Variants in DMD observed in about 807,000 individuals in gnomAD.
DMD encodes the protein dystrophin.
Under a neutral mutation model 330.1 loss-of-function variants are expected in DMD, and 63 were observed. That is an observed-to-expected ratio of 0.19 (90% CI 0.16 to 0.24). The LOEUF is 0.24. Ranked by LOEUF, DMD falls within the 10% of genes least tolerant of loss-of-function variation. The pLI is 1.00. For synonymous variants in DMD, 1,223 were observed against 959.8 expected, an observed-to-expected ratio of 1.27 and a Z score of -5.07; for missense variants, 3,344 against 2,684.1, an observed-to-expected ratio of 1.25 and a Z score of -5.43.
At position 31,869,734 on chromosome X, in the gene DMD, T is replaced by A. The variant is rs183244414; in HGVS notation, c.7098+5454A>T. ...GGACTCACCACCACAGCAAATTATG[T>A]ATAGACAACTTTCATGCCTGGAGCT... is the stretch of plus-strand genomic sequence containing the variant. On this transcript the variant is annotated intron_variant, in intron 48 of 78. Coordinates refer to ENST00000357033, the MANE Select transcript of DMD (RefSeq NM_004006.3). 4.5e-4 allele frequency among the ~76,000 whole-genome samples: 50 copies of A among 110,320 alleles called. 2 individuals are homozygous for A. The highest frequency in any genetic ancestry group is 4.4e-3 in the Admixed American group (45 of 10,224).
At chrX:33,216,783 C>T (rs1351896171) in intron 1 of DMD, among the ~76,000 whole-genome samples, 1 of 110,638 alleles carries the variant, frequency 9.0e-6, no homozygotes, top group Non-Finnish European at 1.9e-5. Flanking sequence ...TGAAGACTGG[C>T]CCATGATTAT....
intron 38 of DMD, among the ~76,000 whole-genome samples, chrX:32,348,113 A>T (rs775145301): frequency 2.5e-4 from 28 of 111,300 alleles, no homozygotes; most frequent in Non-Finnish European, 4.3e-4. Flanking sequence ...TTATTTTATG[A>T]TTCGACTCTT....
At chrX:33,000,346 G>A (rs891700312) in intron 2 of DMD, among the ~76,000 whole-genome samples, 1 of 111,875 alleles carries the variant, frequency 8.9e-6, no homozygotes, top group African/African-American at 3.2e-5. Context: ...TCAACTATAT[G>A]TAATTGTTTC....
At chrX:31,787,197 C>T (rs187355216) in intron 50 of DMD, among the ~76,000 whole-genome samples, 17 of 110,405 alleles carry the variant, frequency 1.5e-4, no homozygotes, top group African/African-American at 5.3e-4. Context: ...TATGGTGAAA[C>T]CCTGTCTCTA....
In DMD at chrX:31,247,472, C is replaced by A. The variant is rs766092114; in HGVS notation, c.9286+13483G>T. Among the ~76,000 whole-genome samples the A allele has an allele frequency of 2.7e-5, 3 of 109,637 alleles. No homozygotes were observed. The South Asian group carries it at 1.2e-3, about 45-fold the overall frequency. ...AAAATTAGCCGGGCGTAGTGGCACA[C>A]GCCTGTAGTCCCAGCTACTCGGGAA... On this transcript the variant is annotated intron_variant, in intron 63 of 78. Transcript: ENST00000357033.
chrX:32,541,426 A>G (rs967084519), intron 17 of DMD, among the ~76,000 whole-genome samples: 3 of 112,155 alleles, frequency 2.7e-5, no homozygotes, highest in Non-Finnish European at 5.6e-5. Flanking sequence ...ACCACCTTAA[A>G]GGCAATGTAT....
At chrX:32,363,081 A>G (rs1168723747) in intron 36 of DMD, 123 bp from the exon 37 acceptor site, 10 of 687,848 alleles carry the variant, frequency 1.5e-5, no homozygotes, top group Non-Finnish European at 2.2e-5. Context: ...AGAGAGAGAG[A>G]AAGTAAGAAA....
intron 18 of DMD, chrX:32,516,876 A>T (rs1183479536): frequency 2.7e-5 from 3 of 112,051 alleles, no homozygotes; most frequent in South Asian, 3.6e-4. Context: ...AGAATAGTCT[A>T]TTATAATGCT....
intron 9 of DMD, among the ~76,000 whole-genome samples, chrX:32,672,205 T>C (rs1158442442): frequency 9.0e-6 from 1 of 111,133 alleles, no homozygotes; most frequent in Non-Finnish European, 1.9e-5. Flanking sequence ...AGTAATAGCC[T>C]AACCTATGCT....
chrX:31,382,986 C>G (rs1457339603), intron 60 of DMD, among the ~76,000 whole-genome samples: 1 of 112,158 alleles, frequency 8.9e-6, no homozygotes, highest in Admixed American at 9.5e-5. Context: ...TCCAGATGGC[C>G]TGAAGTAACT....
intron 62 of DMD, among the ~76,000 whole-genome samples, chrX:31,288,122 C>T (rs780692569): frequency 2.3e-4 from 25 of 110,546 alleles, no homozygotes; most frequent in East Asian, 2.3e-3. Context: ...GCAGAAGCAA[C>T]GGTGGAAGCA....
intron 53 of DMD, among the ~76,000 whole-genome samples, chrX:31,678,298 C>G (rs757061714): frequency 6.3e-5 from 7 of 111,457 alleles, no homozygotes; most frequent in Non-Finnish European, 1.1e-4. Flanking sequence ...AGCAAAAGGC[C>G]TTTTCTGTCA....
In DMD at chrX:32,457,684, T is replaced by C. The variant is rs145000351; in HGVS notation, c.3433-2852A>G. The stretch of plus-strand genomic sequence containing the variant: ...CAACTTCTATTCTGATTGCTTATAT[T>C]TTCTCGGTAAAACAAGAAGCTAGTT... On this transcript the variant is annotated intron_variant, in intron 25 of 78. Transcript: ENST00000357033. Among the ~76,000 whole-genome samples, 380 of 86,634 alleles carry C rather than the reference T, an allele frequency of 4.4e-3. 3 individuals carry two copies. The highest frequency in any genetic ancestry group is 0.016 in the African/African-American group (368 of 23,549). The allele number at this position is 86,634 out of a possible 115,157, so 75.2% of individuals were successfully genotyped here.
intron 7 of DMD, among the ~76,000 whole-genome samples, chrX:32,725,264 T>C (rs1299651304): frequency 3.6e-5 from 4 of 111,208 alleles, no homozygotes; most frequent in Non-Finnish European, 1.9e-5. Context: ...CTGCTGAGCA[T>C]TCTCTGCCTC....
chrX:31,848,365 A>T (rs1183015340), intron 48 of DMD, among the ~76,000 whole-genome samples: 3 of 111,614 alleles, frequency 2.7e-5, no homozygotes, highest in Non-Finnish European at 5.7e-5. Flanking sequence ...ATTTCAGATA[A>T]GGTGAAGAAG....
rs1040608475 is a variant in DMD, at chrX:33,317,720, G to A, written c.7+21539C>T. On this transcript the variant is annotated intron_variant, in intron 1 of 17. Transcript: ENST00000288447. ...TTGTCACTGCAAAATTAATTGTAAT[G>A]TTTCCTATGCAGACATAGTGCTTAA... Among the ~76,000 whole-genome samples, 4 of 111,558 alleles carry A rather than the reference G, an allele frequency of 3.6e-5. No individual in the cohort carries two copies. The Admixed American group carries it at 3.8e-4, about 11-fold the overall frequency.
At chrX:32,945,779 AT>A (rs1389835389) in intron 2 of DMD, among the ~76,000 whole-genome samples, 2 of 111,595 alleles carry the variant, frequency 1.8e-5, no homozygotes, top group African/African-American at 6.5e-5. Context: ...AGTATTGTAT[AT>A]TTTTTCCTTC....
At chrX:31,310,201 C>CCA (rs1569523675) in intron 62 of DMD, among the ~76,000 whole-genome samples, 11 of 93,207 alleles carry the variant, frequency 1.2e-4, no homozygotes, top group African/African-American at 4.6e-4. Flanking sequence ...CTCTCTCTCT[C>CCA]TCTCCATATA....
intron 7 of DMD, among the ~76,000 whole-genome samples, chrX:32,716,319 T>A (rs989382645): frequency 1.8e-5 from 2 of 110,047 alleles, no homozygotes; most frequent in African/African-American, 6.6e-5. Flanking sequence ...TCTCATGAGA[T>A]CTGGTTGTTT....
Sources: gnomAD v4.1 joint callset for allele counts (sites outside exome capture counted in the v4.1 genomes callset) on GRCh38, gnomAD v4.1.1 for gene constraint, MANE v1.5 for transcripts, NCBI Gene and HGNC (gene_info 2026-07-23, HGNC 2026-07-21) for gene names.